The following ZCWPW2 variants were observed in gnomAD, a reference collection of about 807,000 sequenced individuals.
ZCWPW2 encodes the protein zinc finger CW-type and PWWP domain containing 2.
In ZCWPW2, 45 loss-of-function variants were observed where a neutral mutation model predicts 46.6. The ratio of observed to expected loss-of-function variants is 0.96; its 90% confidence interval spans 0.76 to 1.24. The LOEUF is 1.24. ZCWPW2 is among the 50% of genes most tolerant of loss of function. The pLI is 0.00. For synonymous variants in ZCWPW2, 152 were observed against 137.1 expected, an observed-to-expected ratio of 1.11 and a Z score of -0.76; for missense variants, 429 against 403.9, an observed-to-expected ratio of 1.06 and a Z score of -0.53.
intron 1 of ZCWPW2, among the ~76,000 whole-genome samples, chr3:28,382,448 C>A (rs574741074): frequency 1.7e-4 from 26 of 152,212 alleles, no homozygotes; most frequent in Non-Finnish European, 3.4e-4. Context: ...AATTTAATTA[C>A]CTCTTTAAAG....
rs150446182 is a variant in ZCWPW2 at position 28,476,431 on chromosome 3, A to T, written c.493-2383A>T. Reference sequence around the variant, plus strand: ...CTGATAAGTTCAAAGACTCCCAGACACAAGTGTTAAAACAAACCTTTTCAG... The same window carrying T: ...CTGATAAGTTCAAAGACTCCCAGACTCAAGTGTTAAAACAAACCTTTTCAG... On this transcript the variant is annotated intron_variant, in intron 4 of 9. Transcript: ENST00000383768. Among the ~76,000 whole-genome samples the T allele has an allele frequency of 1.1e-3, 175 of 152,292 alleles. 1 individual carries two copies. Among genetic ancestry groups the T allele is most frequent in the African/African-American group, 4.0e-3 (165 of 41,574 alleles).
At chr3:28,464,599 A>G (rs748317749) in intron 4 of ZCWPW2, among the ~76,000 whole-genome samples, 7 of 152,240 alleles carry the variant, frequency 4.6e-5, no homozygotes, top group Non-Finnish European at 5.9e-5. Context: ...ATTTTCTGCA[A>G]TTTCTTTTGT....
chr3:28,478,280 C>T (rs934832048), intron 4 of ZCWPW2: 15 of 302,214 alleles, frequency 5.0e-5, no homozygotes, highest in African/African-American at 2.9e-4. Flanking sequence ...GTCTTACTCT[C>T]TCACCTAGAC....
chr3:28,454,036 G>T (rs997759778), intron 4 of ZCWPW2, among the ~76,000 whole-genome samples: 11 of 151,262 alleles, frequency 7.3e-5, no homozygotes, highest in Admixed American at 6.6e-5. Flanking sequence ...AGTAGAGACG[G>T]GGTTTCACCG....
intron 8 of ZCWPW2, among the ~76,000 whole-genome samples, chr3:28,516,894 C>T (rs1700587737): frequency 6.6e-6 from 1 of 152,026 alleles, no homozygotes; most frequent in South Asian, 2.1e-4. Context: ...TGCCTGTAGT[C>T]CTAGCTACTG....
intron 2 of ZCWPW2, among the ~76,000 whole-genome samples, chr3:28,400,456 C>G (rs1695874992): frequency 6.6e-6 from 1 of 152,180 alleles, no homozygotes; most frequent in Non-Finnish European, 1.5e-5. Flanking sequence ...CAAAATTCAT[C>G]ACAAAAAGAT....
chr3:28,378,548 A>G (rs1190698570), intron 1 of ZCWPW2, among the ~76,000 whole-genome samples: 9 of 152,144 alleles, frequency 5.9e-5, no homozygotes, highest in Non-Finnish European at 1.3e-4. Context: ...ACATATACAT[A>G]TGATAAAGAG....
intron 4 of ZCWPW2, among the ~76,000 whole-genome samples, chr3:28,470,601 AG>A (rs1287938746): frequency 6.6e-6 from 1 of 152,058 alleles, no homozygotes; most frequent in Admixed American, 6.6e-5. Context: ...CAGTACTAAA[AG>A]GGAAGTTTAT....
intron 2 of ZCWPW2, among the ~76,000 whole-genome samples, chr3:28,411,484 T>C (rs1696397073): frequency 6.6e-6 from 1 of 151,904 alleles, no homozygotes; most frequent in African/African-American, 2.4e-5. Context: ...AAAAATCTAC[T>C]ATCATGGCTT....
At chr3:28,405,424 T>C (rs1029495456) in intron 2 of ZCWPW2, among the ~76,000 whole-genome samples, 6 of 152,262 alleles carry the variant, frequency 3.9e-5, no homozygotes, top group African/African-American at 1.4e-4. Context: ...TTGCAGAGTT[T>C]TGAGGGGCAT....
At chr3:28,367,018 A>C (rs949297490) in intron 1 of ZCWPW2, among the ~76,000 whole-genome samples, 9 of 151,926 alleles carry the variant, frequency 5.9e-5, no homozygotes, top group Non-Finnish European at 7.4e-5. Flanking sequence ...TATTGTTTCT[A>C]TTTGATTCTT....
At chr3:28,511,567 T>C (rs1215506126) in intron 6 of ZCWPW2, among the ~76,000 whole-genome samples, 1 of 152,158 alleles carries the variant, frequency 6.6e-6, no homozygotes, top group African/African-American at 2.4e-5. Flanking sequence ...TTGGTGATTA[T>C]CCTTAAATAT....
At position 28,526,097 on chromosome 3, in the gene ZCWPW2, A is replaced by T. The variant is rs891655071; in HGVS notation, c.*1409A>T. ...TCCTCATATGTAAAATGGGGATGGAACTATGCAAACCAAGCACTGTTGTGA... is the reference window on the plus strand; with the variant it reads ...TCCTCATATGTAAAATGGGGATGGATCTATGCAAACCAAGCACTGTTGTGA... On this transcript the variant is annotated 3_prime_UTR_variant, in exon 10 of 10. Transcript: ENST00000383768. Among the ~76,000 whole-genome samples the T allele has an allele frequency of 1.3e-5, 2 of 152,176 alleles. No individual in the cohort carries two copies. The highest frequency in any genetic ancestry group is 4.8e-5 in the African/African-American group (2 of 41,460).
chr3:28,444,779 C>G (rs1697921290), intron 4 of ZCWPW2, among the ~76,000 whole-genome samples: 1 of 152,188 alleles, frequency 6.6e-6, no homozygotes, highest in African/African-American at 2.4e-5. Context: ...TTGCTTTCAT[C>G]ACTTTGTCCA....
At chr3:28,501,899 C>T (rs1196453025) in intron 6 of ZCWPW2, among the ~76,000 whole-genome samples, 1 of 152,108 alleles carries the variant, frequency 6.6e-6, no homozygotes, top group Non-Finnish European at 1.5e-5. Context: ...CAAGTGTGCA[C>T]CACCATGCCT....
intron 6 of ZCWPW2, among the ~76,000 whole-genome samples, chr3:28,511,624 C>T (rs932131084): frequency 3.3e-5 from 5 of 152,112 alleles, no homozygotes; most frequent in Non-Finnish European, 5.9e-5. Flanking sequence ...CACCATCACT[C>T]TTCTTCTGAA....
Position 28,492,035 on chromosome 3 carries a change from G to A in ZCWPW2, c.611-92G>A. 5 of 1,278,052 alleles carry A rather than the reference G, an allele frequency of 3.9e-6. No homozygotes were observed. The South Asian group carries it at 4.1e-5, about 10-fold the overall frequency. 79.2% of individuals were successfully genotyped at this position (1,278,052 alleles called of 1,614,324 possible). A position where few individuals can be genotyped will look rare whatever the true frequency, so the allele number is the denominator to read the frequency against. ...CAAAATACTGTTACAATAGTAATGA[G>A]AAAGTAGAAAATTCTAATTGTGTAA... On this transcript the variant is annotated intron_variant, in intron 5 of 9. Coordinates refer to ENST00000383768, the MANE Select transcript of ZCWPW2 (RefSeq NM_001040432.4).
intron 4 of ZCWPW2, chr3:28,478,257 T>C: frequency 3.6e-6 from 1 of 278,662 alleles, no homozygotes; most frequent in Non-Finnish European, 7.4e-6. Context: ...ATTATTTTAT[T>C]TTTTGAGACA....
chr3:28,349,653 G>A (rs1363167231), intron 1 of ZCWPW2, among the ~76,000 whole-genome samples: 1 of 152,196 alleles, frequency 6.6e-6, no homozygotes, highest in Non-Finnish European at 1.5e-5. Context: ...GTCACAAGTA[G>A]TTGAATTAAT....
Sources: allele counts gnomAD v4.1 joint callset (sites outside exome capture counted in the v4.1 genomes callset), GRCh38; gene constraint gnomAD v4.1.1; transcripts MANE v1.5; gene names NCBI Gene and HGNC (gene_info 2026-07-23, HGNC 2026-07-21).